DST: variants seen among roughly 807,000 people sequenced by gnomAD.
The protein encoded by DST is bullous pemphigoid antigen.
A neutral mutation model predicts 875.2 loss-of-function variants in DST; 253 were observed. The ratio of observed to expected loss-of-function variants is 0.29; its 90% CI spans 0.26 to 0.32. The LOEUF is 0.32. Among genes scored for constraint, DST ranks in the 10% least tolerant of loss-of-function variants. The probability of loss-of-function intolerance (pLI) is 1.00; values close to 1 mark genes in which losing one functional copy is unlikely to be tolerated. For synonymous variants in DST, 3,124 were observed against 3,197.1 expected (o/e 0.98, Z 0.77); for missense variants, 8,287 against 9,111.6 (o/e 0.91, Z 3.68).
In DST at chr6:56,493,994, T is replaced by C; in HGVS notation, c.20394+16A>G. ...AACTAAAACACTGATTCTATTATAT[T>C]AATCAAAGCACATACTTTCCTTTCA... On this transcript the variant is annotated intron_variant, in intron 83 of 103. Transcript: ENST00000680361. 1 of 1,541,582 alleles carries C rather than the reference T, an allele frequency of 6.5e-7. No homozygotes were observed. The highest frequency in any genetic ancestry group is 8.8e-7 in the Non-Finnish European group (1 of 1,141,120).
Position 56,503,980 on chromosome 6 carries a change from T to C in DST, c.19566+17A>G, listed in dbSNP as rs766672440. 4.5e-6 allele frequency: 7 copies of C among 1,564,676 alleles called. No homozygotes were observed. Among genetic ancestry groups the C allele is most frequent in the African/African-American group, 1.4e-5 (1 of 73,436 alleles). On this transcript the variant is annotated intron_variant, in intron 78 of 103. Coordinates refer to ENST00000680361, the MANE Select transcript of DST (RefSeq NM_001374736.1). ...AAACTGCAAGGGAGTCTTCGATAAA[T>C]TAGCCCCCACACATACCTTTAGCTC...
rs1158885927 is a variant in DST at position 56,884,730 on chromosome 6, AT to A, written c.417+15690del. Among the ~76,000 whole-genome samples, 5 of 148,266 alleles carry A rather than the reference AT, an allele frequency of 3.4e-5. No individual in the cohort carries two copies. The East Asian group carries it at 5.9e-4, about 18-fold the overall frequency. On this transcript the variant is annotated intron_variant, in intron 3 of 103. Coordinates refer to ENST00000680361, the MANE Select transcript of DST (RefSeq NM_001374736.1). ...GAGTTTGACAAGATGTGCCAAGCTC[AT>A]TTTTTTTTTCTTTTTGAGATGGAGT... is the stretch of plus-strand genomic sequence containing the variant.
chr6:56,934,560 T>TTTATA (rs869186436), intron 2 of DST, among the ~76,000 whole-genome samples: 1 of 106,486 alleles, frequency 9.4e-6, no homozygotes, highest in African/African-American at 3.5e-5. Flanking sequence ...ATATATTATA[T>TTTATA]TATATATATA....
Position 56,895,001 on chromosome 6 carries a change from C to T in DST, c.417+5420G>A, listed in dbSNP as rs1341501492. ...GGGGGGCTGACCCCCCTACCTCCCTCCCGGACTGGGCGGCTGGCCGGGCGG... is the reference window on the plus strand; with the variant it reads ...GGGGGGCTGACCCCCCTACCTCCCTTCCGGACTGGGCGGCTGGCCGGGCGG... On this transcript the variant is annotated intron_variant, in intron 3 of 103. Transcript: ENST00000680361. Among the ~76,000 whole-genome samples, 3 of 108,040 alleles carry T rather than the reference C, an allele frequency of 2.8e-5. 1 individual carries two copies. The East Asian group carries it at 7.8e-4, about 28-fold the overall frequency. 70.9% of individuals were successfully genotyped at this position (108,040 alleles called of 152,430 possible).
intron 3 of DST, 175 bp from the exon 4 acceptor site, chr6:56,851,779 G>A (rs1413750269): frequency 1.4e-5 from 21 of 1,551,396 alleles, no homozygotes; most frequent in Non-Finnish European, 1.8e-5. Flanking sequence ...AATAAAACCC[G>A]GAGCTCACCA....
At chr6:56,694,046 T>C (rs2099248490) in intron 9 of DST, among the ~76,000 whole-genome samples, 1 of 149,374 alleles carries the variant, frequency 6.7e-6, no homozygotes, top group African/African-American at 2.4e-5. Flanking sequence ...TTCATATATA[T>C]ATATATACAT....
chr6:56,515,439 A>G lies in DST; in HGVS notation c.18576+11T>C, dbSNP rs1247638362. 1 of 1,613,370 alleles carries G rather than the reference A, an allele frequency of 6.2e-7. No individual in the cohort carries two copies. Among genetic ancestry groups the G allele is most frequent in the Non-Finnish European group, 8.5e-7 (1 of 1,179,568 alleles). ...TGGGGAATACAATATTCTCTTTCAC[A>G]CCAGGCTTACCCGATGTTCTTCCTG... On this transcript the variant is annotated intron_variant, in intron 72 of 103. Transcript: ENST00000680361.
chr6:56,800,505 C>CT (rs1481454564), intron 4 of DST, among the ~76,000 whole-genome samples: 3 of 152,140 alleles, frequency 2.0e-5, no homozygotes, highest in African/African-American at 7.2e-5. Context: ...CTCCTATCCC[C>CT]AATCTCCATG....
chr6:56,517,717 G>A (rs2096621907), intron 69 of DST, 97 bp from the exon 70 acceptor site: 5 of 1,393,344 alleles, frequency 3.6e-6, no homozygotes, highest in Non-Finnish European at 3.8e-6. Context: ...TTACACAAGT[G>A]GAAAATCCGA....
At chr6:56,813,054 A>G (rs1337367496) in intron 4 of DST, among the ~76,000 whole-genome samples, 1 of 152,158 alleles carries the variant, frequency 6.6e-6, no homozygotes, top group East Asian at 1.9e-4. Flanking sequence ...CTATGCAGCC[A>G]TAAAAAAGGA....
chr6:56,750,017 C>T (rs1209029575), intron 4 of DST, among the ~76,000 whole-genome samples: 8 of 152,164 alleles, frequency 5.3e-5, no homozygotes, highest in African/African-American at 2.4e-5. Flanking sequence ...CCACCACCAT[C>T]GCTGCACCCC....
intron 37 of DST, among the ~76,000 whole-genome samples, chr6:56,612,408 T>C (rs1441793261): frequency 6.6e-6 from 1 of 152,150 alleles, no homozygotes; most frequent in African/African-American, 2.4e-5. Context: ...AACAAATAAT[T>C]TCTAATGCTA....
intron 4 of DST, among the ~76,000 whole-genome samples, chr6:56,845,597 G>A (rs957679437): frequency 2.0e-5 from 3 of 152,190 alleles, no homozygotes; most frequent in African/African-American, 7.2e-5. Context: ...GTAACAACCA[G>A]GCATCATATG....
chr6:56,855,354 A>G (rs1767353680), intron 3 of DST, among the ~76,000 whole-genome samples: 1 of 152,246 alleles, frequency 6.6e-6, no homozygotes, highest in Non-Finnish European at 1.5e-5. Context: ...AACACTTCTA[A>G]TATTAAACAC....
Position 56,639,543 on chromosome 6 carries a change from T to G in DST, c.2766A>C (p.Glu922Asp), listed in dbSNP as rs2098865049. The G allele has an allele frequency of 1.7e-5, 28 of 1,613,886 alleles. No individual in the cohort carries two copies. The highest frequency in any genetic ancestry group is 2.4e-5 in the Non-Finnish European group (28 of 1,179,886). The change falls in exon 21 of 104, where the codon GAA becomes GAC. Residue 922 changes from glutamate to aspartate, a missense_variant. Glu to Asp is a conservative substitution (Grantham distance 45). Coordinates refer to ENST00000680361, the MANE Select transcript of DST (RefSeq NM_001374736.1). ...CTTCTTTTTCATTCAACCAAATAAG[T>G]TCATTAGTCGCACGACTTACAAAAT... ...LHNFVSRATNELIWLNEKEEE... is the reference protein window; with the variant it reads ...LHNFVSRATNDLIWLNEKEEE...
chr6:56,800,438 T>C (rs752464770), intron 4 of DST, among the ~76,000 whole-genome samples: 1 of 152,200 alleles, frequency 6.6e-6, no homozygotes. Flanking sequence ...ATAATACTGA[T>C]AAGCATTTAG....
In DST at chr6:56,684,991, A is replaced by AC. The variant is rs368494108; in HGVS notation, c.1048-14185dup. On this transcript the variant is annotated intron_variant, in intron 9 of 103. Transcript: ENST00000680361. ...CCTCCTTAACCAACAGCCCCCACCCACCCCCCCACCCCACACAGAAGAGCA... is the reference window on the plus strand; with the variant it reads ...CCTCCTTAACCAACAGCCCCCACCCACCCCCCCCACCCCACACAGAAGAGCA... Among the ~76,000 whole-genome samples the AC allele has an allele frequency of 8.3e-3, 426 of 51,310 alleles. 1 individual carries two copies. The highest frequency in any genetic ancestry group is 0.028 in the African/African-American group (406 of 14,568). 33.7% of individuals were successfully genotyped at this position (51,310 alleles called of 152,430 possible).
chr6:56,600,030 A>T, intron 45 of DST, 39 bp downstream of exon 45: 1 of 1,539,920 alleles, frequency 6.5e-7, no homozygotes, highest in Non-Finnish European at 8.8e-7. Flanking sequence ...ATCGAACATA[A>T]CATCAACATA....
intron 49 of DST, among the ~76,000 whole-genome samples, chr6:56,585,416 T>C (rs1261688890): frequency 1.3e-5 from 2 of 152,208 alleles, no homozygotes; most frequent in Non-Finnish European, 2.9e-5. Context: ...TGGTAGTTTG[T>C]ATTTCTGTGG....
Sources: gnomAD v4.1 joint callset for allele counts (sites outside exome capture counted in the v4.1 genomes callset) on GRCh38, gnomAD v4.1.1 for gene constraint, MANE v1.5 for transcripts, NCBI Gene and HGNC (gene_info 2026-07-23, HGNC 2026-07-21) for gene names.